Variants in TRAPPC2 observed in about 807,000 individuals in gnomAD.
The protein encoded by TRAPPC2 is trafficking protein particle complex subunit 2, also known as sedlin.
A neutral mutation model predicts 10.0 loss-of-function variants in TRAPPC2; 4 were observed. The ratio of observed to expected loss-of-function variants is 0.40; its 90% CI spans 0.20 to 0.92. The LOEUF is 0.92. Ranked by LOEUF, TRAPPC2 falls within the 40% of genes least tolerant of loss-of-function variation. The pLI, the probability that TRAPPC2 is intolerant of heterozygous loss-of-function variation, is 0.35. For synonymous variants in TRAPPC2, 36 were observed against 37.3 expected (o/e 0.97, Z 0.12); for missense variants, 52 against 108.7 (o/e 0.48, Z 2.32).
At chrX:13,721,528 C>T (rs1031701153) in intron 2 of TRAPPC2, 1 of 112,117 alleles carries the variant, frequency 8.9e-6, no homozygotes, top group African/African-American at 3.2e-5. Context: ...TCTCCTAGAA[C>T]ATACATCTGA....
chrX:13,728,918 T>C (rs2046613257), intron 2 of TRAPPC2, among the ~76,000 whole-genome samples: 1 of 111,880 alleles, frequency 8.9e-6, no homozygotes, highest in Admixed American at 9.5e-5. Flanking sequence ...GGATACAAAA[T>C]CAATATGCAA....
chrX:13,717,034 T>TAAAAA (rs1175025577), intron 3 of TRAPPC2, among the ~76,000 whole-genome samples: 36 of 37,935 alleles, frequency 9.5e-4, no homozygotes, highest in Non-Finnish European at 1.2e-3. Context: ...GATACTATGT[T>TAAAAA]AAAAAAAAAA....
At chrX:13,724,019 C>G (rs1038217871) in intron 2 of TRAPPC2, among the ~76,000 whole-genome samples, 9 of 111,717 alleles carry the variant, frequency 8.1e-5, no homozygotes, top group African/African-American at 2.9e-4. Context: ...AGAATGGTCA[C>G]AGCAATGTGA....
chrX:13,716,799 A>AATTT (rs2046296105), intron 3 of TRAPPC2, 121 bp from the exon 4 acceptor site: 1 of 578,809 alleles, frequency 1.7e-6, no homozygotes, highest in Admixed American at 3.9e-5. Context: ...TTGCTTTTAT[A>AATTT]CTTTGTTATT....
intron 3 of TRAPPC2, among the ~76,000 whole-genome samples, chrX:13,719,014 T>G (rs2046354108): frequency 9.1e-6 from 1 of 110,363 alleles, no homozygotes; most frequent in South Asian, 3.9e-4. Flanking sequence ...AAAATTAGCC[T>G]GGCACAGTGG....
chrX:13,720,233 T>C, intron 2 of TRAPPC2: 1 of 195,395 alleles, frequency 5.1e-6, no homozygotes, highest in East Asian at 1.0e-4. Context: ...TAACATGAAA[T>C]CACAAAGACA....
chrX:13,728,266 C>T (rs768875300), intron 2 of TRAPPC2, among the ~76,000 whole-genome samples: 9 of 111,927 alleles, frequency 8.0e-5, no homozygotes, highest in Admixed American at 3.8e-4. Context: ...CAACATCATC[C>T]TGATACCAAA....
Position 13,733,324 on chromosome X carries a change from T to C in TRAPPC2, c.-20+720A>G, listed in dbSNP as rs139245605. Among the ~76,000 whole-genome samples the C allele has an allele frequency of 7.0e-3, 780 of 111,926 alleles. 6 individuals are homozygous for C. The highest frequency in any genetic ancestry group is 0.024 in the African/African-American group (740 of 30,826). ...CTCCACGTGTCTTTTCTCAGCCCTA[T>C]TGTTCCACCTCTGCTAGCGTTGACT... On this transcript the variant is annotated intron_variant, in intron 2 of 5. Coordinates refer to ENST00000380579, the MANE Select transcript of TRAPPC2 (RefSeq NM_001011658.4).
intron 3 of TRAPPC2, among the ~76,000 whole-genome samples, chrX:13,717,612 G>T (rs2046324454): frequency 9.1e-6 from 1 of 110,332 alleles, no homozygotes; most frequent in Admixed American, 9.7e-5. Context: ...GGTGGTGCAT[G>T]CCTGTAATCC....
Position 13,714,589 on chromosome X carries a change from T to C in TRAPPC2, c.325-84A>G, listed in dbSNP as rs190705741. On this transcript the variant is annotated intron_variant, in intron 5 of 5. Transcript: ENST00000380579. ...AGGAAATCATTTTAAAGTTTTAAAT[T>C]AAAAACCAAAGACATTCCAAAGTCT... The C allele has an allele frequency of 5.8e-4, 325 of 559,221 alleles. 2 individuals are homozygous for C. In the African/African-American group the frequency reaches 6.4e-3, roughly 11 times the overall value. 46.1% of individuals were successfully genotyped at this position (559,221 alleles called of 1,213,427 possible). A position where few individuals can be genotyped will look rare whatever the true frequency, so the allele number is the denominator to read the frequency against.
At chrX:13,721,038 A>C (rs977485095) in intron 2 of TRAPPC2, 2 of 110,142 alleles carry the variant, frequency 1.8e-5, no homozygotes, top group African/African-American at 6.6e-5. Flanking sequence ...AAAAAAAAAA[A>C]AAAACAGATT....
intron 2 of TRAPPC2, among the ~76,000 whole-genome samples, chrX:13,727,365 C>T (rs1053852273): frequency 2.7e-5 from 3 of 112,249 alleles, no homozygotes; most frequent in African/African-American, 9.7e-5. Flanking sequence ...AGCACTCCAG[C>T]AAATGTAAAA....
chrX:13,723,508 C>T (rs769344584), intron 2 of TRAPPC2, among the ~76,000 whole-genome samples: 5 of 111,778 alleles, frequency 4.5e-5, no homozygotes, highest in Admixed American at 9.5e-5. Flanking sequence ...ACTTCCTCCA[C>T]CTTCCCTTCA....
chrX:13,722,207 G>GC (rs1302627123), intron 2 of TRAPPC2: 301 of 8,935 alleles, frequency 0.034, 7 homozygotes, highest in African/African-American at 0.17. Context: ...TTAAGCAGCA[G>GC]CAAAAAAAAA....
intron 5 of TRAPPC2, chrX:13,715,607 C>T (rs749338087): frequency 1.0e-3 from 133 of 127,803 alleles, no homozygotes; most frequent in Non-Finnish European, 1.5e-3. Context: ...TCACTTCCTG[C>T]CAGTTTATGA....
At chrX:13,715,960 A>C (rs1387456412) in intron 5 of TRAPPC2, 44 bp downstream of exon 5, 4 of 1,148,067 alleles carry the variant, frequency 3.5e-6, no homozygotes, top group Non-Finnish European at 4.7e-6. Context: ...ACAAAGGTCG[A>C]ATCCTTTCTC....
rs190021270 is a variant in TRAPPC2 at position 13,727,255 on chromosome X, T to C, written c.-20+6789A>G. Among the ~76,000 whole-genome samples the C allele has an allele frequency of 1.9e-3, 213 of 112,121 alleles. 1 individual carries two copies. The highest frequency in any genetic ancestry group is 6.3e-3 in the African/African-American group (193 of 30,852). The stretch of plus-strand genomic sequence containing the variant: ...TCAGCTCTGCACCAAGTGGACCTAA[T>C]AGACATCTACAGAACTCTCCACCCC... On this transcript the variant is annotated intron_variant, in intron 2 of 5. Coordinates refer to ENST00000380579, the MANE Select transcript of TRAPPC2 (RefSeq NM_001011658.4).
At chrX:13,717,594 C>T (rs2146785760) in intron 3 of TRAPPC2, among the ~76,000 whole-genome samples, 1 of 110,287 alleles carries the variant, frequency 9.1e-6, no homozygotes, top group South Asian at 3.9e-4. Context: ...CAAAAATTGG[C>T]CGGCTGTGGT....
chrX:13,733,575 T>G (rs2046729682), intron 2 of TRAPPC2, among the ~76,000 whole-genome samples: 1 of 111,761 alleles, frequency 8.9e-6, no homozygotes, highest in Non-Finnish European at 1.9e-5. Flanking sequence ...CTTAAATACT[T>G]TAAGTTTTTC....
Sources: allele counts gnomAD v4.1 joint callset (sites outside exome capture counted in the v4.1 genomes callset), GRCh38; gene constraint gnomAD v4.1.1; transcripts MANE v1.5; gene names NCBI Gene and HGNC (gene_info 2026-07-23, HGNC 2026-07-21).